The following RELN variants were observed in gnomAD, a reference collection of about 807,000 sequenced individuals.
RELN encodes the protein reelin.
RELN carries 108 observed loss-of-function variants against 427.6 expected under a neutral mutation model. The observed-to-expected ratio is 0.25, with a 90% confidence interval of 0.22 to 0.30. The LOEUF is 0.30. RELN is among the 10% of genes least tolerant of loss of function. RELN has a pLI of 1.00. For synonymous variants in RELN, 1,524 were observed against 1,513.4 expected, an observed-to-expected ratio of 1.01 and a Z score of -0.16; for missense variants, 3,715 against 4,302.8, an observed-to-expected ratio of 0.86 and a Z score of 3.82.
chr7:103,572,109 T>C, intron 31 of RELN, 75 bp downstream of exon 31: 1 of 856,328 alleles, frequency 1.2e-6, no homozygotes, highest in South Asian at 1.3e-5. Flanking sequence ...TTCAAAATCC[T>C]GGCCAAACTT....
intron 11 of RELN, among the ~76,000 whole-genome samples, chr7:103,676,108 A>G (rs1256600952): frequency 6.6e-6 from 1 of 152,224 alleles, no homozygotes; most frequent in Non-Finnish European, 1.5e-5. Context: ...GGCAACCTAT[A>G]GAATGGGAGA....
intron 10 of RELN, among the ~76,000 whole-genome samples, chr7:103,694,496 A>ATGATGATGATGATGATGATGC (rs1345843352): frequency 5.9e-5 from 9 of 151,470 alleles, no homozygotes; most frequent in Admixed American, 5.9e-4. Flanking sequence ...GATGATGATG[A>ATGATGATGATGATGATGATGC]TGATGATGGC....
rs572334885 is a variant in RELN at position 103,640,798 on chromosome 7, T to C, written c.2003-189A>G. Among the ~76,000 whole-genome samples the C allele has an allele frequency of 1.3e-5, 2 of 152,332 alleles. No individual in the cohort carries two copies. Among genetic ancestry groups the C allele is most frequent in the South Asian group, 2.1e-4 (1 of 4,826 alleles). On this transcript the variant is annotated intron_variant, in intron 16 of 64. Coordinates refer to ENST00000428762, the MANE Select transcript of RELN (RefSeq NM_005045.4). This position sits in a 1 kb window ranked among gnomAD's most constrained non-coding sequence, Gnocchi z 4.1. ...AAGCTGCTGAAACAGTCACAAGTTA[T>C]ACAGATAATCCTTTTAAGATTTTAA...
chr7:103,707,763 T>C (rs1310578298), intron 8 of RELN, among the ~76,000 whole-genome samples: 1 of 152,122 alleles, frequency 6.6e-6, no homozygotes, highest in East Asian at 1.9e-4. Flanking sequence ...TCCCAAAGTG[T>C]TGGGATTACA....
intron 1 of RELN, among the ~76,000 whole-genome samples, chr7:103,962,646 TTGTGTGTG>T (rs57782980): frequency 0.022 from 3,261 of 149,832 alleles, 133 homozygotes; most frequent in African/African-American, 0.075. Flanking sequence ...TCCAAAGTTG[TTGTGTGTG>T]TGTGTGTGTG....
chr7:103,567,640 G>C (rs1830786187), intron 31 of RELN, among the ~76,000 whole-genome samples: 1 of 152,088 alleles, frequency 6.6e-6, no homozygotes, highest in African/African-American at 2.4e-5. Context: ...TAGAGTGGTA[G>C]AGGGTATTGA....
intron 3 of RELN, among the ~76,000 whole-genome samples, chr7:103,788,682 A>C (rs891505291): frequency 4.6e-5 from 7 of 152,222 alleles, no homozygotes; most frequent in Non-Finnish European, 2.9e-5. Context: ...TCAAGGAAAT[A>C]AGAGAGGACA....
chr7:103,672,117 T>C (rs1371766853), intron 11 of RELN, among the ~76,000 whole-genome samples: 1 of 152,122 alleles, frequency 6.6e-6, no homozygotes, highest in African/African-American at 2.4e-5. Flanking sequence ...TCTAAAGAAA[T>C]TTCAGCCTAT....
At chr7:103,830,365 A>G (rs1323180128) in intron 3 of RELN, among the ~76,000 whole-genome samples, 1 of 151,940 alleles carries the variant, frequency 6.6e-6, no homozygotes, top group Non-Finnish European at 1.5e-5. Flanking sequence ...AGTAATATCA[A>G]AAAGTCATAC....
intron 11 of RELN, among the ~76,000 whole-genome samples, chr7:103,680,309 G>C (rs930464121): frequency 6.6e-6 from 1 of 152,020 alleles, no homozygotes; most frequent in Non-Finnish European, 1.5e-5. Context: ...TAATGGGATG[G>C]GGGCTGGTAA....
chr7:103,491,937 A>C lies in RELN; in HGVS notation c.9443+16T>G. The C allele has an allele frequency of 6.2e-7, 1 of 1,600,570 alleles. No individual in the cohort carries two copies. Among genetic ancestry groups the C allele is most frequent in the Non-Finnish European group, 8.5e-7 (1 of 1,169,812 alleles). On this transcript the variant is annotated intron_variant, in intron 58 of 64. Coordinates refer to ENST00000428762, the MANE Select transcript of RELN (RefSeq NM_005045.4). ...TATTCAAGTTTGAAGATAATGTTAAAAATTATTTCACAAACCTTGCATCCT... is the reference window on the plus strand; with the variant it reads ...TATTCAAGTTTGAAGATAATGTTAACAATTATTTCACAAACCTTGCATCCT...
intron 4 of RELN, among the ~76,000 whole-genome samples, chr7:103,764,963 G>A (rs1366929477): frequency 1.3e-5 from 2 of 151,968 alleles, no homozygotes; most frequent in South Asian, 4.2e-4. Flanking sequence ...CGAGTCCTCT[G>A]GATTAGTTGG....
In RELN at chr7:103,552,242, C is replaced by T. The variant is rs141055716; in HGVS notation, c.6073-946G>A. ...TTAAAATAAATTATATAAATGCACG[C>T]AATTCTTTCTATAAAAAATTTCCCC... On this transcript the variant is annotated intron_variant, in intron 40 of 64. Transcript: ENST00000428762. Among the ~76,000 whole-genome samples, 299 of 152,230 alleles carry T rather than the reference C, an allele frequency of 2.0e-3. 1 individual carries two copies. Among genetic ancestry groups the T allele is most frequent in the Non-Finnish European group, 3.0e-3 (202 of 68,020 alleles).
intron 2 of RELN, among the ~76,000 whole-genome samples, chr7:103,904,542 A>C (rs1378182100): frequency 6.6e-6 from 1 of 152,116 alleles, no homozygotes; most frequent in Middle Eastern, 3.2e-3. Flanking sequence ...TACATATCTT[A>C]TCAGGACTAA....
rs187956457 is a variant in RELN, at chr7:103,689,831, G to A, written c.1144-7570C>T. 3.6e-3 allele frequency among the ~76,000 whole-genome samples: 542 copies of A among 152,256 alleles called. 2 individuals carry two copies. Among genetic ancestry groups the A allele is most frequent in the Non-Finnish European group, 4.6e-3 (315 of 68,000 alleles). ...AAAGCAGGCAGCTGCAGCAGCTCCA[G>A]GCTGACGCTCTGAAAACTTACATCT... On this transcript the variant is annotated intron_variant, in intron 10 of 64. Coordinates refer to ENST00000428762, the MANE Select transcript of RELN (RefSeq NM_005045.4).
chr7:103,618,099 G>C lies in RELN; in HGVS notation c.2703-6296C>G, dbSNP rs372223616. Among the ~76,000 whole-genome samples, 26 of 152,040 alleles carry C rather than the reference G, an allele frequency of 1.7e-4. 1 individual carries two copies. In the East Asian group the frequency reaches 3.3e-3, roughly 19 times the overall value. On this transcript the variant is annotated intron_variant, in intron 20 of 64. Coordinates refer to ENST00000428762, the MANE Select transcript of RELN (RefSeq NM_005045.4). ...TTTCTTTACAAATTACCCAGCCTCG[G>C]GTAATCTTTATAGGAACACAAATGA...
At chr7:103,602,014 C>T (rs1303298518) in intron 24 of RELN, among the ~76,000 whole-genome samples, 1 of 152,184 alleles carries the variant, frequency 6.6e-6, no homozygotes, top group African/African-American at 2.4e-5. Context: ...TGTCTGCCCA[C>T]CCCAGACAGC....
intron 4 of RELN, among the ~76,000 whole-genome samples, chr7:103,772,987 G>A (rs998781231): frequency 1.3e-5 from 2 of 152,066 alleles, no homozygotes; most frequent in Admixed American, 6.5e-5. Flanking sequence ...ATGAAAATAG[G>A]AGCAGAAAAA....
chr7:103,652,482 CTCT>C, intron 14 of RELN, 66 bp downstream of exon 14: 1 of 1,237,920 alleles, frequency 8.1e-7, no homozygotes, highest in South Asian at 1.2e-5. Context: ...TAGAAACTAC[CTCT>C]TATTTAATAG....
Sources: allele counts gnomAD v4.1 joint callset (sites outside exome capture counted in the v4.1 genomes callset), GRCh38; gene constraint gnomAD v4.1.1; non-coding constraint Gnocchi (gnomAD v3.1); transcripts MANE v1.5; gene names NCBI Gene and HGNC (gene_info 2026-07-23, HGNC 2026-07-21).